Variants in DCLK3 observed in about 807,000 individuals in gnomAD.
The protein encoded by DCLK3 is doublecortin like kinase 3.
In DCLK3, 30 loss-of-function variants were observed where a neutral mutation model predicts 46.4. The observed-to-expected ratio is 0.65, with a 90% CI of 0.48 to 0.88. The LOEUF (loss-of-function observed/expected upper bound fraction) is 0.88, where lower values mean the gene tolerates loss of function less well. DCLK3 is among the 40% of genes least tolerant of loss of function. The probability of loss-of-function intolerance (pLI) is 0.00; values close to 1 mark genes in which losing one functional copy is unlikely to be tolerated. For missense variants in DCLK3, 846 were observed against 907.1 expected, an observed-to-expected ratio of 0.93 and a Z score of 0.87; for synonymous variants, 401 against 339.2, an observed-to-expected ratio of 1.18 and a Z score of -2.00.
At chr3:36,731,668 C>T (rs1051054613) in intron 2 of DCLK3, among the ~76,000 whole-genome samples, 3 of 152,170 alleles carry the variant, frequency 2.0e-5, no homozygotes, top group African/African-American at 4.8e-5. Context: ...TTTCCTCATC[C>T]ACAGCATTCA....
chr3:36,724,397 G>C (rs558708415), intron 2 of DCLK3, among the ~76,000 whole-genome samples: 15 of 152,270 alleles, frequency 9.9e-5, no homozygotes, highest in Non-Finnish European at 2.1e-4. Flanking sequence ...AGACATGATT[G>C]GTTTTGAAAT....
chr3:36,763,624 A>G (rs1244793998), intron 1 of DCLK3, among the ~76,000 whole-genome samples: 1 of 152,144 alleles, frequency 6.6e-6, no homozygotes, highest in Non-Finnish European at 1.5e-5. Context: ...ACCTCTAGAG[A>G]CCTGGATCCA....
In DCLK3 at chr3:36,731,058, G is replaced by A. The variant is rs116078680; in HGVS notation, c.1959+6150C>T. Among the ~76,000 whole-genome samples the A allele has an allele frequency of 3.7e-3, 556 of 152,234 alleles. 5 individuals are homozygous for A. Among genetic ancestry groups the A allele is most frequent in the African/African-American group, 0.013 (539 of 41,556 alleles). On this transcript the variant is annotated intron_variant, in intron 2 of 4. Transcript: ENST00000636136. ...AATGACCTTGGCTTTTATTCTGAAT[G>A]TGAATGCGAAGGGAAGCTAATGGCA...
chr3:36,748,225 G>A (rs1303350961), intron 1 of DCLK3, among the ~76,000 whole-genome samples: 2 of 152,222 alleles, frequency 1.3e-5, no homozygotes, highest in Non-Finnish European at 2.9e-5. Flanking sequence ...ACAGGCATTT[G>A]CAGCTCCCAA....
intron 1 of DCLK3, among the ~76,000 whole-genome samples, chr3:36,742,726 T>C (rs752970086): frequency 3.9e-5 from 6 of 152,190 alleles, no homozygotes; most frequent in Non-Finnish European, 7.3e-5. Context: ...TCTTTTAAAG[T>C]AGTCTAGAGC....
intron 1 of DCLK3, among the ~76,000 whole-genome samples, chr3:36,763,229 G>C (rs879295730): frequency 2.6e-5 from 4 of 152,216 alleles, no homozygotes; most frequent in African/African-American, 4.8e-5. Context: ...ATCAAGGAAA[G>C]GAAATGGAAT....
chr3:36,752,741 T>A (rs1319820307), intron 1 of DCLK3, among the ~76,000 whole-genome samples: 1 of 152,232 alleles, frequency 6.6e-6, no homozygotes, highest in African/African-American at 2.4e-5. Flanking sequence ...GGTTTCTTTC[T>A]GCATAGCACA....
intron 1 of DCLK3, among the ~76,000 whole-genome samples, chr3:36,744,366 T>C (rs1456727259): frequency 6.6e-6 from 1 of 152,264 alleles, no homozygotes; most frequent in African/African-American, 2.4e-5. Flanking sequence ...AACATCCATC[T>C]GCGACAGGAA....
chr3:36,744,433 G>A (rs899651217), intron 1 of DCLK3, among the ~76,000 whole-genome samples: 4 of 152,220 alleles, frequency 2.6e-5, no homozygotes, highest in Non-Finnish European at 4.4e-5. Flanking sequence ...ACAGCAGTAC[G>A]TTGCTTCAGG....
Position 36,738,531 on chromosome 3 carries a change from C to G in DCLK3, c.636G>C (p.Leu212=). The change falls in exon 2 of 5, where the codon CTG becomes CTC. Residue 212 remains leucine, a synonymous_variant. Coordinates refer to ENST00000636136, the MANE Select transcript of DCLK3 (RefSeq NM_001394672.2). ...GGTCTCCTTTCAGAGCCTTGCTAAA[C>G]AGCCTGCTCCTCAGCCTTGGAGAAG... ...RAPSPRLRSR[L]FSKALKGDHR... 1 of 1,510,952 alleles carries G rather than the reference C, an allele frequency of 6.6e-7. No individual in the cohort carries two copies. Among genetic ancestry groups the G allele is most frequent in the Non-Finnish European group, 8.8e-7 (1 of 1,129,952 alleles). 93.6% of individuals were successfully genotyped at this position (1,510,952 alleles called of 1,614,324 possible).
At chr3:36,757,709 G>A (rs939506122) in intron 1 of DCLK3, among the ~76,000 whole-genome samples, 2 of 152,066 alleles carry the variant, frequency 1.3e-5, no homozygotes, top group African/African-American at 2.4e-5. Flanking sequence ...TGGTGAATAC[G>A]GCAGAACACA....
At chr3:36,723,089 G>A (rs1478125374) in intron 2 of DCLK3, among the ~76,000 whole-genome samples, 4 of 152,192 alleles carry the variant, frequency 2.6e-5, no homozygotes, top group Admixed American at 1.3e-4. Context: ...CCAGACTGAG[G>A]TGGTCTCAGA....
At chr3:36,716,520 G>A (rs1700982026) in intron 4 of DCLK3, among the ~76,000 whole-genome samples, 2 of 152,204 alleles carry the variant, frequency 1.3e-5, no homozygotes, top group African/African-American at 4.8e-5. Flanking sequence ...TGGAAGGCCA[G>A]ATTTAAGTTG....
rs962979549 is a variant in DCLK3, at chr3:36,738,061, C to T, written c.1106G>A (p.Gly369Asp). 6.2e-7 allele frequency: 1 copy of T among 1,613,642 alleles called. No individual in the cohort carries two copies. Among genetic ancestry groups the T allele is most frequent in the South Asian group, 1.1e-5 (1 of 90,970 alleles). Residue 369 changes from glycine (G) to aspartate (D), a missense_variant, in exon 2 of 5, where the codon GGT (glycine) becomes GAT (aspartate). This residue lies in a region of DCLK3 where 553 missense variants were observed against 543.0 expected (regional missense o/e 1.02). Transcript: ENST00000636136. ...CCTGGGGCTGCTCCTGTGGCTGTCA[C>T]CCTTCCACCCTTCCTCCCCACTTGC... ...NPASGEEGWK[G>D]DSHRSSPRNP...
At chr3:36,761,109 C>T (rs2125540569) in intron 1 of DCLK3, among the ~76,000 whole-genome samples, 1 of 152,268 alleles carries the variant, frequency 6.6e-6, no homozygotes, top group South Asian at 2.1e-4. Context: ...CTTCCCTGTC[C>T]CTTCATGCAG....
chr3:36,741,297 C>G (rs990665418), intron 1 of DCLK3, among the ~76,000 whole-genome samples: 1 of 152,190 alleles, frequency 6.6e-6, no homozygotes, highest in African/African-American at 2.4e-5. Context: ...ATGTGCTTCA[C>G]ACACAGTAGG....
In DCLK3 at chr3:36,721,576, A is replaced by T; in HGVS notation, c.2043T>A (p.Thr681=). The change falls in exon 3 of 5, where the codon ACT becomes ACA. Residue 681 remains threonine (T), a synonymous_variant. Coordinates refer to ENST00000636136, the MANE Select transcript of DCLK3 (RefSeq NM_001394672.2). ...CTACGTAAGTTGGGGTCCCACACAC[A>T]GTAAATATAGGTCTCACCACATGCT... ...LAKHVVRPIF[T]VCGTPTYVAP... is the part of the protein sequence containing the mutation. The T allele has an allele frequency of 1.2e-6, 2 of 1,614,218 alleles. No individual in the cohort carries two copies. The highest frequency in any genetic ancestry group is 1.7e-6 in the Non-Finnish European group (2 of 1,180,032).
intron 2 of DCLK3, among the ~76,000 whole-genome samples, chr3:36,732,542 A>T (rs1290118181): frequency 6.6e-6 from 1 of 152,234 alleles, no homozygotes; most frequent in Non-Finnish European, 1.5e-5. Context: ...ACATAACAGC[A>T]TTCTCACTGA....
chr3:36,744,937 G>A (rs959618266), intron 1 of DCLK3, among the ~76,000 whole-genome samples: 6 of 152,192 alleles, frequency 3.9e-5, no homozygotes, highest in African/African-American at 7.2e-5. Context: ...TAACTGCACC[G>A]GCATGGCATG....
Sources: allele counts gnomAD v4.1 joint callset (sites outside exome capture counted in the v4.1 genomes callset), GRCh38; gene constraint gnomAD v4.1.1; regional missense constraint gnomAD v4.1.1; transcripts MANE v1.5; gene names NCBI Gene and HGNC (gene_info 2026-07-23, HGNC 2026-07-21).